NMRK2: variants seen among roughly 807,000 people sequenced by gnomAD.
NMRK2 encodes the protein NRK 2.
Under a neutral mutation model 24.7 loss-of-function variants are expected in NMRK2, and 34 were observed. That is an observed-to-expected ratio of 1.37 (90% CI 1.05 to 1.83). The LOEUF (loss-of-function observed/expected upper bound fraction) is 1.83. NMRK2 is among the 40% of genes most tolerant of loss of function. The probability of loss-of-function intolerance (pLI) is 0.00; values close to 1 mark genes in which losing one functional copy is unlikely to be tolerated. For missense variants in NMRK2, 341 were observed against 315.0 expected (o/e 1.08, Z -0.62); for synonymous variants, 145 against 125.6 (o/e 1.15, Z -1.03).
chr19:3,936,363 G>A (rs1300567027), intron 2 of NMRK2, among the ~76,000 whole-genome samples: 2 of 152,084 alleles, frequency 1.3e-5, no homozygotes, highest in African/African-American at 2.4e-5. Flanking sequence ...AGCTGAGATC[G>A]CGCCACTGCA....
Position 3,933,437 on chromosome 19 carries a change from A to C in NMRK2, c.-214-21A>C, listed in dbSNP as rs2039149716. The C allele has an allele frequency of 5.9e-6, 3 of 505,274 alleles. No individual in the cohort carries two copies. In the South Asian group the frequency reaches 7.6e-5, roughly 13 times the overall value. The allele number at this position is 505,274 out of a possible 1,614,324, so 31.3% of individuals were successfully genotyped here. On this transcript the variant is annotated intron_variant, in intron 1 of 7. Coordinates refer to ENST00000168977, the MANE Select transcript of NMRK2 (RefSeq NM_170678.3). Reference sequence around the variant, plus strand: ...CAGCCCCCTGCCCGGCCAGCTCGTGACTAATTTAGGCAAAAGGCAGCCTGG... The same window carrying C: ...CAGCCCCCTGCCCGGCCAGCTCGTGCCTAATTTAGGCAAAAGGCAGCCTGG...
In NMRK2 at chr19:3,942,280, C is replaced by G; in HGVS notation, c.*7C>G. 1 of 1,598,300 alleles carries G rather than the reference C, an allele frequency of 6.3e-7. No homozygotes were observed. Among genetic ancestry groups the G allele is most frequent in the South Asian group, 1.1e-5 (1 of 89,470 alleles). ...CCAGCAGGACAGCATGTGAGCGTTTCCCTATGGGGGTGTCTGTACGTAGGA... is the reference window on the plus strand; with the variant it reads ...CCAGCAGGACAGCATGTGAGCGTTTGCCTATGGGGGTGTCTGTACGTAGGA... On this transcript the variant is annotated 3_prime_UTR_variant, in exon 8 of 8. Coordinates refer to ENST00000168977, the MANE Select transcript of NMRK2 (RefSeq NM_170678.3).
At position 3,933,565 on chromosome 19, in the gene NMRK2, G is replaced by A. The variant is rs1422971368; in HGVS notation, c.-107G>A. 1 of 1,380,392 alleles carries A rather than the reference G, an allele frequency of 7.2e-7. No individual in the cohort carries two copies. The highest frequency in any genetic ancestry group is 9.7e-7 in the Non-Finnish European group (1 of 1,028,058). 85.5% of individuals were successfully genotyped at this position (1,380,392 alleles called of 1,614,324 possible). ...CTCCAGGCTGCCGAGACCTATAAAGGCGCCAGGTTTTCTCAATGAAGCCGG... is the reference window on the plus strand; with the variant it reads ...CTCCAGGCTGCCGAGACCTATAAAGACGCCAGGTTTTCTCAATGAAGCCGG... On this transcript the variant is annotated 5_prime_UTR_variant, in exon 2 of 8. Coordinates refer to ENST00000168977, the MANE Select transcript of NMRK2 (RefSeq NM_170678.3).
intron 2 of NMRK2, among the ~76,000 whole-genome samples, chr19:3,934,954 C>T (rs572135924): frequency 2.0e-5 from 3 of 152,234 alleles, no homozygotes; most frequent in African/African-American, 7.2e-5. Flanking sequence ...ACAGCCCACC[C>T]GGGGCACAAA....
intron 3 of NMRK2, 110 bp from the exon 4 acceptor site, chr19:3,937,130 C>A (rs1041316349): frequency 8.5e-6 from 9 of 1,053,726 alleles, no homozygotes; most frequent in African/African-American, 1.6e-5. Flanking sequence ...GCCCCCACGC[C>A]TCAGGGACCT....
chr19:3,936,212 G>GA lies in NMRK2; in HGVS notation c.27-351dup, dbSNP rs746884107. Among the ~76,000 whole-genome samples the GA allele has an allele frequency of 1.7e-3, 226 of 131,236 alleles. 1 individual carries two copies. Among genetic ancestry groups the GA allele is most frequent in the Middle Eastern group, 4.1e-3 (1 of 246 alleles). The allele number at this position is 131,236 out of a possible 152,430, so 86.1% of individuals were successfully genotyped here. ...GGCAACAGAGTGAAACTCCGTCTCG[G>GA]AAAAAAAAAAAAGAAAGAAACCCTG... On this transcript the variant is annotated intron_variant, in intron 2 of 7. Coordinates refer to ENST00000168977, the MANE Select transcript of NMRK2 (RefSeq NM_170678.3).
At chr19:3,935,251 C>CTTTTTT (rs900517564) in intron 2 of NMRK2, among the ~76,000 whole-genome samples, 4 of 105,640 alleles carry the variant, frequency 3.8e-5, no homozygotes, top group South Asian at 3.5e-4. Flanking sequence ...TTCCGTCAGT[C>CTTTTTT]TTTTTTTTTT....
intron 6 of NMRK2, among the ~76,000 whole-genome samples, chr19:3,940,270 C>T (rs995378771): frequency 1.4e-5 from 2 of 139,388 alleles, no homozygotes; most frequent in Non-Finnish European, 3.0e-5. Context: ...TCGCTTGAAC[C>T]TGGGAGGCAG....
intron 2 of NMRK2, among the ~76,000 whole-genome samples, chr19:3,934,591 C>T (rs983908056): frequency 1.3e-5 from 2 of 148,510 alleles, no homozygotes; most frequent in Admixed American, 6.8e-5. Context: ...TTGTTGCCGT[C>T]GTAGTTTGAG....
rs1012084201 is a variant in NMRK2, at chr19:3,934,550, T to C, written c.26+853T>C. On this transcript the variant is annotated intron_variant, in intron 2 of 7. Transcript: ENST00000168977. ...CTTGAATTTCATATTTTTTGTTTTTTGGGGTTTTTTTTTTTGGGGGGGGGG... is the reference window on the plus strand; with the variant it reads ...CTTGAATTTCATATTTTTTGTTTTTCGGGGTTTTTTTTTTTGGGGGGGGGG... Among the ~76,000 whole-genome samples, 51 of 92,952 alleles carry C rather than the reference T, an allele frequency of 5.5e-4. No homozygotes were observed. The South Asian group carries it at 9.4e-3, about 17-fold the overall frequency. 61.0% of individuals were successfully genotyped at this position (92,952 alleles called of 152,430 possible).
At chr19:3,934,797 G>A (rs1035658691) in intron 2 of NMRK2, among the ~76,000 whole-genome samples, 4 of 151,952 alleles carry the variant, frequency 2.6e-5, no homozygotes, top group Admixed American at 6.6e-5. Flanking sequence ...TGGCCAGGCT[G>A]GTCTCGAACT....
chr19:3,937,746 G>A (rs1322495817), intron 4 of NMRK2, among the ~76,000 whole-genome samples: 1 of 70,128 alleles, frequency 1.4e-5, no homozygotes, highest in Non-Finnish European at 2.8e-5. Flanking sequence ...CCCGGGGTCC[G>A]CCCTCCTGCA....
At chr19:3,940,069 G>A in intron 6 of NMRK2, 98 bp downstream of exon 6, 1 of 1,043,480 alleles carries the variant, frequency 9.6e-7, no homozygotes, top group South Asian at 1.4e-5. Flanking sequence ...ACTGGGGGCT[G>A]GGCACAGTGT....
chr19:3,937,923 G>A (rs1255000676), intron 4 of NMRK2, among the ~76,000 whole-genome samples: 8 of 100,600 alleles, frequency 8.0e-5, no homozygotes, highest in Admixed American at 2.1e-4. Flanking sequence ...CTGTTCCCCC[G>A]GGGTCCACCC....
chr19:3,942,096 C>T lies in NMRK2; in HGVS notation c.516C>T (p.Gly172=). 2 of 1,613,212 alleles carry T rather than the reference C, an allele frequency of 1.2e-6. No individual in the cohort carries two copies. Among genetic ancestry groups the T allele is most frequent in the Non-Finnish European group, 1.7e-6 (2 of 1,179,938 alleles). ...ANGVEVVYLD[G]MKSREELFRE... ...TTCTGATTTCAGTCTACCTGGACGGCATGAAGTCCCGAGAGGAGCTCTTCC... is the reference window on the plus strand; with the variant it reads ...TTCTGATTTCAGTCTACCTGGACGGTATGAAGTCCCGAGAGGAGCTCTTCC... The change falls in exon 8 of 8, where the codon GGC becomes GGT. Residue 172 remains glycine (G), a synonymous_variant. Transcript: ENST00000168977.
At chr19:3,941,641 C>G (rs1464464639) in intron 7 of NMRK2, among the ~76,000 whole-genome samples, 2 of 148,430 alleles carry the variant, frequency 1.3e-5, no homozygotes, top group African/African-American at 5.0e-5. Flanking sequence ...GTCCCTCTTG[C>G]TATTTTTGTT....
Position 3,933,813 on chromosome 19 carries a change from C to A in NMRK2, c.26+116C>A. 3 of 1,045,484 alleles carry A rather than the reference C, an allele frequency of 2.9e-6. No homozygotes were observed. The African/African-American group carries it at 5.0e-5, about 18-fold the overall frequency. 64.8% of individuals were successfully genotyped at this position (1,045,484 alleles called of 1,614,324 possible). Reference sequence around the variant, plus strand: ...CTGGCGCCTGAGGTCACCTACACGCCGCCCGAGGTCAGAGTGCAGGGAGGA... The same window carrying A: ...CTGGCGCCTGAGGTCACCTACACGCAGCCCGAGGTCAGAGTGCAGGGAGGA... On this transcript the variant is annotated intron_variant, in intron 2 of 7. Transcript: ENST00000168977.
At chr19:3,938,219 A>G (rs1219978662) in intron 4 of NMRK2, among the ~76,000 whole-genome samples, 13 of 67,598 alleles carry the variant, frequency 1.9e-4, no homozygotes, top group South Asian at 6.3e-4. Flanking sequence ...CTCCTGCAAT[A>G]CCTGCTCCCC....
At chr19:3,935,305 G>T (rs543336933) in intron 2 of NMRK2, among the ~76,000 whole-genome samples, 3 of 147,384 alleles carry the variant, frequency 2.0e-5, no homozygotes, top group South Asian at 2.2e-4. Context: ...ACCAAGGCTG[G>T]AGTGGAGTGG....
Sources: allele counts gnomAD v4.1 joint callset (sites outside exome capture counted in the v4.1 genomes callset), GRCh38; gene constraint gnomAD v4.1.1; transcripts MANE v1.5; gene names NCBI Gene and HGNC (gene_info 2026-07-23, HGNC 2026-07-21).